Variants in MAMLD1 observed in about 807,000 individuals in gnomAD.
MAMLD1 encodes the protein mastermind like domain containing 1.
MAMLD1 carries 14 observed loss-of-function variants against 45.0 expected under a neutral mutation model. The observed-to-expected ratio is 0.31, with a 90% CI of 0.21 to 0.49. The LOEUF is 0.49. Ranked by LOEUF, MAMLD1 falls within the 20% of genes least tolerant of loss-of-function variation. The probability of loss-of-function intolerance (pLI) is 0.99; values close to 1 mark genes in which losing one functional copy is unlikely to be tolerated. For missense variants in MAMLD1, 543 were observed against 603.6 expected (o/e 0.90, Z 1.05); for synonymous variants, 254 against 247.8 (o/e 1.02, Z -0.24).
chrX:150,385,674 G>A (rs1284762834), intron 1 of MAMLD1, among the ~76,000 whole-genome samples: 2 of 111,356 alleles, frequency 1.8e-5, no homozygotes, highest in African/African-American at 6.5e-5. Context: ...GCTGTCTTGG[G>A]GATGACAGAG....
rs782362227 is a variant in MAMLD1, at chrX:150,503,443, C to T, written c.2210C>T (p.Ala737Val). 4.1e-6 allele frequency: 5 copies of T among 1,211,319 alleles called. No homozygotes were observed. The highest frequency in any genetic ancestry group is 1.8e-5 in the South Asian group (1 of 56,988). Residue 737 changes from alanine (A) to valine (V), a missense_variant, in exon 6 of 8, where the codon GCG becomes GTG. Coordinates refer to ENST00000370401, the MANE Select transcript of MAMLD1 (RefSeq NM_005491.5). ...TCCTCGTACAGCACCTCAGAGGCAG[C>T]GCCCTGGGGCAGCTGGGATCCGAAG... ...VTSSYSTSEA[A>V]PWGSWDPKAW... is the part of the protein sequence containing the mutation.
At chrX:150,449,421 T>A (rs2035592396) in intron 2 of MAMLD1, among the ~76,000 whole-genome samples, 1 of 111,662 alleles carries the variant, frequency 9.0e-6, no homozygotes, top group African/African-American at 3.3e-5. Flanking sequence ...AATACTGGCC[T>A]CATTCTATCC....
intron 5 of MAMLD1, among the ~76,000 whole-genome samples, chrX:150,485,163 C>T (rs782342778): frequency 9.0e-6 from 1 of 111,518 alleles, no homozygotes. Context: ...AGCCACATCC[C>T]CCATCTGTCC....
chrX:150,370,479 C>G (rs1186670981), intron 1 of MAMLD1, among the ~76,000 whole-genome samples: 1 of 111,955 alleles, frequency 8.9e-6, no homozygotes, highest in Non-Finnish European at 1.9e-5. Context: ...CCCCATGGAG[C>G]TGTCAGGACA....
intron 1 of MAMLD1, among the ~76,000 whole-genome samples, chrX:150,398,281 G>C (rs2033535928): frequency 1.4e-5 from 1 of 70,012 alleles, no homozygotes; most frequent in Admixed American, 1.9e-4. Context: ...AGAAGAAGAA[G>C]AAGAAGAAGA....
intron 5 of MAMLD1, among the ~76,000 whole-genome samples, chrX:150,496,341 C>T (rs2037378626): frequency 8.9e-6 from 1 of 112,671 alleles, no homozygotes; most frequent in South Asian, 3.7e-4. Flanking sequence ...TCCAGCTCTG[C>T]CAGTTACATA....
At chrX:150,505,090 A>T (rs2148360591) in intron 6 of MAMLD1, 1 of 751,608 alleles carries the variant, frequency 1.3e-6, no homozygotes, top group African/African-American at 2.3e-5. Context: ...AAGACAGAAA[A>T]CAAAGGGTAA....
intron 2 of MAMLD1, 134 bp downstream of exon 2, chrX:150,445,746 T>G: frequency 7.9e-6 from 4 of 504,884 alleles, no homozygotes; most frequent in Non-Finnish European, 1.4e-5. Context: ...GGAATTCAAA[T>G]GTGATCTAGA....
chrX:150,366,020 T>A (rs1162780138), intron 1 of MAMLD1, among the ~76,000 whole-genome samples: 1 of 112,125 alleles, frequency 8.9e-6, no homozygotes, highest in African/African-American at 3.2e-5. Flanking sequence ...TCCGCCCCTG[T>A]GCCCCAAAGT....
chrX:150,472,889 A>G (rs2036472519), intron 4 of MAMLD1, among the ~76,000 whole-genome samples: 1 of 111,511 alleles, frequency 9.0e-6, no homozygotes, highest in Non-Finnish European at 1.9e-5. Context: ...CCTCCTTCCC[A>G]TTCCTCTCAT....
intron 2 of MAMLD1, among the ~76,000 whole-genome samples, chrX:150,462,306 AG>A (rs782026588): frequency 1.3e-4 from 15 of 111,938 alleles, no homozygotes; most frequent in African/African-American, 4.9e-4. Flanking sequence ...CACATAGGAG[AG>A]GGTTGGTTTG....
Position 150,470,820 on chromosome X carries a change from C to G in MAMLD1, c.1247C>G (p.Thr416Ser), listed in dbSNP as rs1206295477. The G allele has an allele frequency of 8.3e-7, 1 of 1,210,623 alleles. No homozygotes were observed. The highest frequency in any genetic ancestry group is 1.1e-6 in the Non-Finnish European group (1 of 895,414). The change falls in exon 4 of 8, where the codon ACT becomes AGT. Residue 416 changes from threonine (T) to serine (S), a missense_variant. Coordinates refer to ENST00000370401, the MANE Select transcript of MAMLD1 (RefSeq NM_005491.5). ...APEKLPSPAL[T>S]QQPQFGPQSS... ...GAGAAGCTCCCCAGCCCTGCTCTCA[C>G]TCAACAGCCGCAGTTCGGCCCTCAG...
At chrX:150,388,377 G>C (rs782444672) in intron 1 of MAMLD1, among the ~76,000 whole-genome samples, 3 of 111,713 alleles carry the variant, frequency 2.7e-5, no homozygotes, top group Non-Finnish European at 3.8e-5. Flanking sequence ...GGATTGGGAA[G>C]TAAGTATTCC....
chrX:150,376,022 T>C (rs782469969), intron 1 of MAMLD1, among the ~76,000 whole-genome samples: 13 of 111,308 alleles, frequency 1.2e-4, no homozygotes, highest in Non-Finnish European at 2.3e-4. Context: ...CGACATGTGG[T>C]CTGGCTTCAG....
chrX:150,368,894 G>A (rs1214999175), intron 1 of MAMLD1, among the ~76,000 whole-genome samples: 1 of 111,664 alleles, frequency 9.0e-6, no homozygotes, highest in Non-Finnish European at 1.9e-5. Flanking sequence ...TTATTTCTGA[G>A]GGCTCTGTTC....
chrX:150,493,692 G>A (rs782660235), intron 5 of MAMLD1, among the ~76,000 whole-genome samples: 18 of 111,787 alleles, frequency 1.6e-4, no homozygotes, highest in African/African-American at 5.5e-4. Context: ...GATCATGCAC[G>A]TCACCAATCT....
chrX:150,403,220 A>G (rs947267678), intron 1 of MAMLD1, among the ~76,000 whole-genome samples: 4 of 111,820 alleles, frequency 3.6e-5, no homozygotes, highest in Admixed American at 2.8e-4. Context: ...CACATACTGT[A>G]TGATTCCATT....
intron 1 of MAMLD1, among the ~76,000 whole-genome samples, chrX:150,394,901 C>T (rs2033355565): frequency 9.0e-6 from 1 of 111,251 alleles, no homozygotes; most frequent in Non-Finnish European, 1.9e-5. Flanking sequence ...TTTATTTCTG[C>T]GTTCCCAATG....
intron 1 of MAMLD1, among the ~76,000 whole-genome samples, chrX:150,394,848 A>G (rs1037490101): frequency 9.0e-6 from 1 of 111,134 alleles, no homozygotes; most frequent in Admixed American, 9.5e-5. Flanking sequence ...ATTCTTTCAG[A>G]TTTTCTACAT....
Sources: allele counts gnomAD v4.1 joint callset (sites outside exome capture counted in the v4.1 genomes callset), GRCh38; gene constraint gnomAD v4.1.1; transcripts MANE v1.5; gene names NCBI Gene and HGNC (gene_info 2026-07-23, HGNC 2026-07-21).